ALPK2: variants seen among roughly 807,000 people sequenced by gnomAD.
The protein encoded by ALPK2 is alpha kinase 2.
A neutral mutation model predicts 163.1 loss-of-function variants in ALPK2; 127 were observed. That is an observed-to-expected ratio of 0.78 (90% CI 0.67 to 0.90). The LOEUF is 0.90. Ranked by LOEUF, ALPK2 falls within the 40% of genes least tolerant of loss-of-function variation. The pLI is 0.00. For synonymous variants in ALPK2, 953 were observed against 959.1 expected, an observed-to-expected ratio of 0.99 and a Z score of 0.12; for missense variants, 2,360 against 2,589.6, an observed-to-expected ratio of 0.91 and a Z score of 1.92.
At chr18:58,532,153 C>T (rs972025168) in intron 5 of ALPK2, among the ~76,000 whole-genome samples, 6 of 151,976 alleles carry the variant, frequency 3.9e-5, no homozygotes, top group African/African-American at 1.4e-4. Context: ...ATAACATGTC[C>T]TTAATAAATG....
intron 11 of ALPK2, among the ~76,000 whole-genome samples, chr18:58,501,501 A>G (rs1339982118): frequency 6.6e-6 from 1 of 152,248 alleles, no homozygotes; most frequent in Non-Finnish European, 1.5e-5. Context: ...CTGGCTTGCA[A>G]GGAGTCCTTC....
intron 3 of ALPK2, among the ~76,000 whole-genome samples, chr18:58,582,006 T>C (rs2051961359): frequency 1.3e-5 from 2 of 152,186 alleles, no homozygotes; most frequent in African/African-American, 4.8e-5. Context: ...ATATGTCTCA[T>C]TTTCAGAAGG....
Position 58,537,313 on chromosome 18 carries a change from T to G in ALPK2, c.2874A>C (p.Glu958Asp), listed in dbSNP as rs1294921332. 3 of 1,614,036 alleles carry G rather than the reference T, an allele frequency of 1.9e-6. No individual in the cohort carries two copies. The highest frequency in any genetic ancestry group is 3.3e-5 in the Admixed American group (2 of 60,010). Residue 958 changes from glutamate (E) to aspartate (D), a missense_variant, in exon 5 of 13, where the codon GAA becomes GAC. Glu to Asp is a conservative substitution (Grantham distance 45, BLOSUM62 2). Coordinates refer to ENST00000361673, the MANE Select transcript of ALPK2 (RefSeq NM_052947.4). The stretch of plus-strand genomic sequence containing the variant: ...TAGGACTGGGGCTCTTGTCACCTCC[T>G]TCTTTAAATTGCACTAAAGGATTGT... The part of the protein sequence containing the change: ...SENNPLVQFK[E>D]GGDKSPSPSA...
intron 12 of ALPK2, among the ~76,000 whole-genome samples, chr18:58,488,853 G>A (rs1449548536): frequency 2.0e-5 from 3 of 152,206 alleles, no homozygotes; most frequent in East Asian, 1.9e-4. Context: ...CACCTGCATG[G>A]AAAGGGAGGG....
At chr18:58,606,788 A>G (rs894495327) in intron 3 of ALPK2, among the ~76,000 whole-genome samples, 2 of 152,154 alleles carry the variant, frequency 1.3e-5, no homozygotes, top group Admixed American at 6.5e-5. Flanking sequence ...TCCTTTACTT[A>G]TTGAGTTTCC....
At chr18:58,552,238 C>G (rs2051763710) in intron 4 of ALPK2, among the ~76,000 whole-genome samples, 1 of 152,172 alleles carries the variant, frequency 6.6e-6, no homozygotes, top group South Asian at 2.1e-4. Context: ...CCCAGTTCTG[C>G]AAATGTGGTA....
chr18:58,546,930 GT>G (rs1248148023), intron 4 of ALPK2, among the ~76,000 whole-genome samples: 2 of 148,196 alleles, frequency 1.3e-5, no homozygotes, highest in African/African-American at 2.5e-5. Flanking sequence ...GGGTTTTTTG[GT>G]TTTGTTTTGT....
chr18:58,618,338 C>T (rs778623546), intron 1 of ALPK2, among the ~76,000 whole-genome samples: 4 of 152,164 alleles, frequency 2.6e-5, no homozygotes, highest in East Asian at 1.9e-4. Flanking sequence ...TGAGCCACCC[C>T]GCCTGGCCTA....
At chr18:58,482,525 C>G (rs548030066) in intron 12 of ALPK2, among the ~76,000 whole-genome samples, 1 of 152,068 alleles carries the variant, frequency 6.6e-6, no homozygotes, top group Admixed American at 6.6e-5. Context: ...ATGAGACTAC[C>G]CCAAGAAAAC....
At chr18:58,498,148 A>T in intron 11 of ALPK2, 51 bp from the exon 12 acceptor site, 2 of 1,589,984 alleles carry the variant, frequency 1.3e-6, no homozygotes, top group African/African-American at 1.3e-5. Context: ...AGGGCCCCTC[A>T]GGAAGTTGGG....
intron 4 of ALPK2, among the ~76,000 whole-genome samples, chr18:58,566,060 C>T (rs1417580092): frequency 1.3e-5 from 2 of 152,146 alleles, no homozygotes; most frequent in African/African-American, 4.8e-5. Context: ...GGATTATAGG[C>T]GTGAGCCACT....
At chr18:58,559,592 G>A (rs1416294581) in intron 4 of ALPK2, among the ~76,000 whole-genome samples, 1 of 152,138 alleles carries the variant, frequency 6.6e-6, no homozygotes, top group Non-Finnish European at 1.5e-5. Flanking sequence ...ATCCTGAAAG[G>A]GCCCGGGGAT....
chr18:58,610,436 G>A (rs2052122494), intron 2 of ALPK2, among the ~76,000 whole-genome samples: 1 of 152,026 alleles, frequency 6.6e-6, no homozygotes, highest in Non-Finnish European at 1.5e-5. Context: ...CTACCCAATT[G>A]TTTTATGTTT....
chr18:58,532,890 A>G (rs8099473), intron 5 of ALPK2, among the ~76,000 whole-genome samples: 122,022 of 152,134 alleles, frequency 0.8, 50,562 homozygotes, highest in Non-Finnish European at 0.91. Context: ...CCCAAGCAAT[A>G]TAACTCCTAA....
chr18:58,512,802 GAT>G (rs1349015397), intron 10 of ALPK2, among the ~76,000 whole-genome samples: 8 of 136,466 alleles, frequency 5.9e-5, no homozygotes, highest in Non-Finnish European at 1.1e-4. Flanking sequence ...GGGTGTGTGT[GAT>G]GTGTGTGAGG....
chr18:58,568,468 C>T (rs2051868056), intron 4 of ALPK2, among the ~76,000 whole-genome samples: 1 of 152,198 alleles, frequency 6.6e-6, no homozygotes, highest in African/African-American at 2.4e-5. Context: ...GGACTCTCAA[C>T]CACAGCTGTG....
At chr18:58,512,484 G>T (rs1390303045) in intron 10 of ALPK2, among the ~76,000 whole-genome samples, 1 of 152,204 alleles carries the variant, frequency 6.6e-6, no homozygotes, top group Non-Finnish European at 1.5e-5. Flanking sequence ...GGTCAGTCTA[G>T]GGGCTGTGGC....
chr18:58,567,316 G>A (rs901772452), intron 4 of ALPK2, among the ~76,000 whole-genome samples: 3 of 151,996 alleles, frequency 2.0e-5, no homozygotes, highest in Admixed American at 2.0e-4. Flanking sequence ...CCTGGGAGGC[G>A]GAGGTTGCAG....
rs145586769 is a variant in ALPK2 at position 58,579,157 on chromosome 18, G to A, written c.1619C>T (p.Pro540Leu). The A allele has an allele frequency of 2.8e-3, 4,441 of 1,614,058 alleles. 57 individuals carry two copies. In the African/African-American group the frequency reaches 0.038, roughly 14 times the overall value. ...GSRKSARVRQ[P>L]GMKGNPKKPN... ...CTTCTTGGGATTTCCCTTCATTCCC[G>A]GCTGCCTCACCCTGGCAGATTTCCT... is the stretch of plus-strand genomic sequence containing the variant. Residue 540 changes from proline to leucine, a missense_variant, in exon 4 of 13, where the codon CCG (proline) becomes CTG (leucine). Physicochemically the swap from Pro to Leu is moderately conservative, Grantham distance 98 (BLOSUM62 -3). Coordinates refer to ENST00000361673, the MANE Select transcript of ALPK2 (RefSeq NM_052947.4).
Sources: allele counts gnomAD v4.1 joint callset (sites outside exome capture counted in the v4.1 genomes callset), GRCh38; gene constraint gnomAD v4.1.1; transcripts MANE v1.5; gene names NCBI Gene and HGNC (gene_info 2026-07-23, HGNC 2026-07-21).